Variants in RTL9 observed in about 807,000 individuals in gnomAD.
RTL9 encodes the protein retrotransposon Gag-like protein 9.
RTL9 carries 19 observed loss-of-function variants against 44.7 expected under a neutral mutation model. The observed-to-expected ratio is 0.42, with a 90% CI of 0.30 to 0.62. RTL9 has a LOEUF of 0.62. RTL9 is among the 20% of genes least tolerant of loss of function. The pLI is 0.16. For missense variants in RTL9, 1,105 were observed against 1,080.6 expected (o/e 1.02, Z -0.32); for synonymous variants, 407 against 398.9 (o/e 1.02, Z -0.24).
intron 1 of RTL9, among the ~76,000 whole-genome samples, chrX:110,365,727 G>A (rs1187209727): frequency 8.9e-6 from 1 of 111,760 alleles, no homozygotes; most frequent in Non-Finnish European, 1.9e-5. Flanking sequence ...ACAAGTTTCT[G>A]AAGAAAACTG....
intron 1 of RTL9, among the ~76,000 whole-genome samples, chrX:110,380,476 A>G (rs2068411528): frequency 8.9e-6 from 1 of 112,222 alleles, no homozygotes; most frequent in African/African-American, 3.2e-5. Flanking sequence ...AACATTCCAC[A>G]CTCATTAATT....
chrX:110,421,045 G>C (rs1291112817), intron 1 of RTL9, among the ~76,000 whole-genome samples: 1 of 112,007 alleles, frequency 8.9e-6, no homozygotes, highest in Non-Finnish European at 1.9e-5. Context: ...GCGTGAAAAG[G>C]CAATCATGAT....
intron 1 of RTL9, among the ~76,000 whole-genome samples, chrX:110,359,653 T>C (rs1413897170): frequency 8.9e-6 from 1 of 111,791 alleles, no homozygotes; most frequent in Non-Finnish European, 1.9e-5. Flanking sequence ...ATTAATATTG[T>C]AAAAATATAC....
At chrX:110,409,307 A>G (rs2068625039) in intron 1 of RTL9, among the ~76,000 whole-genome samples, 1 of 111,301 alleles carries the variant, frequency 9.0e-6, no homozygotes, top group Admixed American at 9.5e-5. Flanking sequence ...GTCAAGGCCC[A>G]GGGCTTCCTA....
intron 1 of RTL9, among the ~76,000 whole-genome samples, chrX:110,375,135 AC>A (rs2068367567): frequency 9.0e-6 from 1 of 111,505 alleles, no homozygotes; most frequent in Non-Finnish European, 1.9e-5. Context: ...AAACTGCCTG[AC>A]TAGTGAGAAT....
At chrX:110,390,436 C>T (rs1272219370) in intron 1 of RTL9, among the ~76,000 whole-genome samples, 1 of 111,939 alleles carries the variant, frequency 8.9e-6, no homozygotes, top group Non-Finnish European at 1.9e-5. Flanking sequence ...ATGACGAGAA[C>T]ATCAACACTG....
At chrX:110,382,526 G>A (rs1020514718) in intron 1 of RTL9, among the ~76,000 whole-genome samples, 1 of 110,745 alleles carries the variant, frequency 9.0e-6, no homozygotes, top group Non-Finnish European at 1.9e-5. Context: ...GGAAGGAAGG[G>A]TGTAACTCAT....
chrX:110,387,571 C>T (rs2068464616), intron 1 of RTL9, among the ~76,000 whole-genome samples: 3 of 111,502 alleles, frequency 2.7e-5, no homozygotes, highest in East Asian at 2.8e-4. Context: ...TGTTTCTATT[C>T]CCTGACTTTG....
At chrX:110,395,115 C>T (rs1189789695) in intron 1 of RTL9, among the ~76,000 whole-genome samples, 1 of 112,608 alleles carries the variant, frequency 8.9e-6, no homozygotes, top group Non-Finnish European at 1.9e-5. Flanking sequence ...GTTTCAGGGG[C>T]TGCTTTGTGG....
chrX:110,447,111 C>CT (rs1181988453), upstream of RTL9, among the ~76,000 whole-genome samples: 432 of 36,768 alleles, frequency 0.012, 10 homozygotes, highest in East Asian at 0.031. Flanking sequence ...TATTCTGTGA[C>CT]TTTTTTTTTT....
exon 1 of RTL9, chrX:110,452,839 C>T (rs773210608): frequency 4.1e-6 from 5 of 1,211,893 alleles, no homozygotes; most frequent in Non-Finnish European, 5.6e-6. Flanking sequence ...TCCATGACCG[C>T]TGGAGGGATG....
chrX:110,381,450 AG>A (rs1304588253), intron 1 of RTL9, among the ~76,000 whole-genome samples: 2 of 111,954 alleles, frequency 1.8e-5, no homozygotes, highest in Non-Finnish European at 3.8e-5. Context: ...TGCAGTGAAA[AG>A]GGAATGTGTA....
chrX:110,453,315 C>T lies in RTL9; in HGVS notation c.2698C>T (p.Pro900Ser), dbSNP rs146088998. ...CCCAGCCTCTGGAGGGGTGTCCTCACCACTAGTAAGAGCTCCAGCCTCTGG... is the reference window on the plus strand; with the variant it reads ...CCCAGCCTCTGGAGGGGTGTCCTCATCACTAGTAAGAGCTCCAGCCTCTGG... Residue 900 changes from proline to serine, a missense_variant, in exon 1 of 2, where the codon CCA becomes TCA. Coordinates refer to ENST00000540313, the Ensembl canonical transcript of RTL9. The T allele has an allele frequency of 3.5e-4, 418 of 1,210,260 alleles. No individual in the cohort carries two copies. The highest frequency in any genetic ancestry group is 4.2e-4 in the Non-Finnish European group (378 of 895,266).
chrX:110,402,004 A>G lies in RTL9; in HGVS notation c.-168+43088A>G, dbSNP rs951929163. 1.2e-4 allele frequency among the ~76,000 whole-genome samples: 13 copies of G among 111,668 alleles called. No homozygotes were observed. In the Admixed American group the frequency reaches 1.2e-3, roughly 11 times the overall value. On this transcript the variant is annotated intron_variant, in intron 1 of 2. Transcript: ENST00000520821. ...TCTCACCAACAAGTCTCTTTCTTCA[A>G]AGTCTCCCTTTCCTTTCCCAACTCC... is the stretch of plus-strand genomic sequence containing the variant.
At chrX:110,417,070 C>T (rs943963145), upstream of RTL9, among the ~76,000 whole-genome samples, 1 of 112,211 alleles carries the variant, frequency 8.9e-6, no homozygotes, top group Non-Finnish European at 1.9e-5. Flanking sequence ...AGGATAGCCC[C>T]CTTCAAAGGC....
intron 1 of RTL9, among the ~76,000 whole-genome samples, chrX:110,381,094 G>A (rs2068415430): frequency 8.9e-6 from 1 of 111,931 alleles, no homozygotes; most frequent in South Asian, 3.7e-4. Context: ...TGACAGGTGG[G>A]ATCTAATTAA....
intron 1 of RTL9, 83 bp downstream of exon 1, chrX:110,358,999 A>G (rs2068245130): frequency 8.9e-6 from 1 of 112,001 alleles, no homozygotes; most frequent in Non-Finnish European, 1.9e-5. Flanking sequence ...TGCTCTAAGT[A>G]CTTTATAAGT....
At chrX:110,418,728 C>A (rs1226754641), upstream of RTL9, among the ~76,000 whole-genome samples, 1 of 111,463 alleles carries the variant, frequency 9.0e-6, no homozygotes, top group Non-Finnish European at 1.9e-5. Context: ...GAAACGGAGC[C>A]GAATACCTGA....
At chrX:110,434,468 A>T (rs1014550262) in intron 1 of RTL9, among the ~76,000 whole-genome samples, 6 of 111,566 alleles carry the variant, frequency 5.4e-5, no homozygotes, top group African/African-American at 1.6e-4. Context: ...CGACCGTGGC[A>T]GTGAGAGCCG....
Sources: gnomAD v4.1 joint callset for allele counts (sites outside exome capture counted in the v4.1 genomes callset) on GRCh38, gnomAD v4.1.1 for gene constraint, MANE v1.5 for transcripts, NCBI Gene and HGNC (gene_info 2026-07-23, HGNC 2026-07-21) for gene names.